Variants in PRKN observed in about 807,000 individuals in gnomAD.
PRKN encodes E3 ubiquitin-protein ligase parkin.
A neutral mutation model predicts 59.5 loss-of-function variants in PRKN; 56 were observed. That is an observed-to-expected ratio of 0.94 (90% CI 0.76 to 1.18). The LOEUF is 1.18. Ranked by LOEUF, PRKN falls within the 50% of genes most tolerant of loss-of-function variation. The pLI is 0.00. For synonymous variants in PRKN, 250 were observed against 222.1 expected, an observed-to-expected ratio of 1.13 and a Z score of -1.12; for missense variants, 657 against 596.4, an observed-to-expected ratio of 1.10 and a Z score of -1.06.
At chr6:162,440,789 G>C (rs1161066018) in intron 2 of PRKN, among the ~76,000 whole-genome samples, 4 of 151,866 alleles carry the variant, frequency 2.6e-5, no homozygotes, top group Admixed American at 2.0e-4. Flanking sequence ...CTTATTATTA[G>C]ATATTTTGTG....
chr6:162,155,044 C>G (rs1057199468), intron 4 of PRKN, among the ~76,000 whole-genome samples: 3 of 149,612 alleles, frequency 2.0e-5, no homozygotes, highest in Non-Finnish European at 4.4e-5. Flanking sequence ...TTCAGCAAAA[C>G]ACCCACAACA....
intron 4 of PRKN, among the ~76,000 whole-genome samples, chr6:162,141,625 C>A (rs1304863391): frequency 1.3e-5 from 2 of 152,078 alleles, no homozygotes; most frequent in African/African-American, 4.8e-5. Context: ...ATGCAAATTA[C>A]CCATGGCAGT....
intron 2 of PRKN, among the ~76,000 whole-genome samples, chr6:162,363,327 T>C (rs1785252756): frequency 6.6e-6 from 1 of 152,090 alleles, no homozygotes; most frequent in African/African-American, 2.4e-5. Context: ...ATTTGGTTTC[T>C]ATGTTGAATC....
At chr6:161,843,037 A>C (rs1392352890) in intron 6 of PRKN, among the ~76,000 whole-genome samples, 1 of 152,218 alleles carries the variant, frequency 6.6e-6, no homozygotes, top group Non-Finnish European at 1.5e-5. Context: ...TGGAGGAGAG[A>C]AGTCTGAGGG....
At chr6:162,351,038 T>G (rs527614164) in intron 2 of PRKN, among the ~76,000 whole-genome samples, 5 of 151,526 alleles carry the variant, frequency 3.3e-5, no homozygotes, top group Admixed American at 6.6e-5. Flanking sequence ...AAAAAAATAA[T>G]AAAAATCCAA....
chr6:162,438,930 C>G (rs1429089757), intron 2 of PRKN, among the ~76,000 whole-genome samples: 3 of 152,196 alleles, frequency 2.0e-5, no homozygotes, highest in African/African-American at 7.2e-5. Context: ...TTTAAATGCT[C>G]TGTTGGAGAA....
intron 2 of PRKN, among the ~76,000 whole-genome samples, chr6:162,320,384 AC>A (rs1782954264): frequency 1.8e-5 from 2 of 108,778 alleles, no homozygotes; most frequent in African/African-American, 6.2e-5. Context: ...AAAAAAAAAA[AC>A]CAAGCATTTT....
chr6:161,794,452 C>T (rs1790758221), intron 6 of PRKN, among the ~76,000 whole-genome samples: 1 of 152,120 alleles, frequency 6.6e-6, no homozygotes, highest in East Asian at 1.9e-4. Flanking sequence ...TCTTCCCTCC[C>T]TGGACCCCCT....
intron 1 of PRKN, among the ~76,000 whole-genome samples, chr6:162,606,513 C>T (rs1156416991): frequency 1.3e-5 from 2 of 152,086 alleles, no homozygotes; most frequent in Non-Finnish European, 2.9e-5. Flanking sequence ...AGGTCATAAA[C>T]TTGTTAAGTC....
intron 2 of PRKN, among the ~76,000 whole-genome samples, chr6:162,294,875 A>G (rs948631255): frequency 2.0e-5 from 3 of 152,318 alleles, no homozygotes; most frequent in East Asian, 3.9e-4. Context: ...GACTACTGAA[A>G]TACTGCACTC....
At chr6:161,610,840 T>C (rs1782462575) in intron 7 of PRKN, among the ~76,000 whole-genome samples, 2 of 152,012 alleles carry the variant, frequency 1.3e-5, no homozygotes, top group Admixed American at 1.3e-4. Flanking sequence ...GAAAGAAGGG[T>C]CGTCCACGTG....
intron 6 of PRKN, among the ~76,000 whole-genome samples, chr6:161,949,058 G>A (rs963691732): frequency 5.3e-5 from 8 of 152,194 alleles, no homozygotes; most frequent in African/African-American, 1.9e-4. Flanking sequence ...TGATCAACAC[G>A]TGGGCTCCAG....
intron 7 of PRKN, among the ~76,000 whole-genome samples, chr6:161,660,674 T>C (rs1381813597): frequency 1.3e-5 from 2 of 152,200 alleles, no homozygotes; most frequent in Non-Finnish European, 2.9e-5. Context: ...TCCCCTTTGC[T>C]GTCTGGTCCT....
intron 9 of PRKN, among the ~76,000 whole-genome samples, chr6:161,415,241 G>C (rs1022470594): frequency 1.1e-4 from 17 of 152,158 alleles, no homozygotes; most frequent in African/African-American, 4.1e-4. Context: ...TTCATGCAGA[G>C]AGGCCTCCCC....
chr6:161,803,081 T>C (rs189265692), intron 6 of PRKN, among the ~76,000 whole-genome samples: 5 of 152,296 alleles, frequency 3.3e-5, no homozygotes, highest in Admixed American at 3.3e-4. Flanking sequence ...AATTGGGACT[T>C]ATAGCAGAGT....
intron 1 of PRKN, among the ~76,000 whole-genome samples, chr6:162,534,119 C>G (rs1337947931): frequency 6.6e-6 from 1 of 152,032 alleles, no homozygotes; most frequent in African/African-American, 2.4e-5. Flanking sequence ...GCAAAACAAA[C>G]CAAAAAGGAG....
intron 9 of PRKN, among the ~76,000 whole-genome samples, chr6:161,543,311 C>T (rs778735132): frequency 2.0e-5 from 3 of 152,170 alleles, no homozygotes; most frequent in Non-Finnish European, 2.9e-5. Context: ...TTTCTTTGCA[C>T]GAAGTAGGTC....
intron 4 of PRKN, among the ~76,000 whole-genome samples, chr6:162,158,656 C>A (rs927637786): frequency 5.9e-5 from 9 of 151,914 alleles, no homozygotes; most frequent in African/African-American, 2.2e-4. Flanking sequence ...GTCTTGAACT[C>A]CTGGCCTGAA....
rs575825684 is a variant in PRKN at position 161,598,183 on chromosome 6, C to T, written c.872-28767G>A. 4.6e-5 allele frequency among the ~76,000 whole-genome samples: 7 copies of T among 152,260 alleles called. No homozygotes were observed. In the South Asian group the frequency reaches 1.5e-3, roughly 32 times the overall value. ...ATAGATAAATTAGTTGTGTGGTCCT[C>T]CAACTATGCTCGATGCCTAGTGCTC... On this transcript the variant is annotated intron_variant, in intron 7 of 11. Coordinates refer to ENST00000366898, the MANE Select transcript of PRKN (RefSeq NM_004562.3).
Sources: allele counts gnomAD v4.1 joint callset (sites outside exome capture counted in the v4.1 genomes callset), GRCh38; gene constraint gnomAD v4.1.1; transcripts MANE v1.5; gene names NCBI Gene and HGNC (gene_info 2026-07-23, HGNC 2026-07-21).